The following ELP4 variants were observed in gnomAD, a reference collection of about 807,000 sequenced individuals.
The protein encoded by ELP4 is elongator acetyltransferase complex subunit 4.
In ELP4, 51 loss-of-function variants were observed where a neutral mutation model predicts 48.9. That is an observed-to-expected ratio of 1.04 (90% CI 0.83 to 1.32). The LOEUF is 1.32. ELP4 is among the 40% of genes most tolerant of loss of function. The pLI is 0.00. For synonymous variants in ELP4, 210 were observed against 189.2 expected, an observed-to-expected ratio of 1.11 and a Z score of -0.90; for missense variants, 519 against 514.6, an observed-to-expected ratio of 1.01 and a Z score of -0.08.
At chr11:31,730,699 C>T (rs1419539093) in intron 9 of ELP4, among the ~76,000 whole-genome samples, 1 of 152,080 alleles carries the variant, frequency 6.6e-6, no homozygotes, top group Non-Finnish European at 1.5e-5. Context: ...CAAGAAACTG[C>T]AGTATAGCAG....
intron 3 of ELP4, among the ~76,000 whole-genome samples, chr11:31,587,659 T>C (rs1395159985): frequency 6.6e-6 from 1 of 152,118 alleles, no homozygotes; most frequent in Non-Finnish European, 1.5e-5. Context: ...TAATATTAAT[T>C]ATTGATATTT....
rs151288761 is a variant in ELP4 at position 31,557,159 on chromosome 11, A to G, written c.381+17376A>G. ...ATAACATGTTAAAATTTAGACTAAC[A>G]TCTTTTAAATTTTTTTTATGGACTT... On this transcript the variant is annotated intron_variant, in intron 3 of 9. Coordinates refer to ENST00000640961, the MANE Select transcript of ELP4 (RefSeq NM_019040.5). 7.1e-3 allele frequency among the ~76,000 whole-genome samples: 1,079 copies of G among 152,040 alleles called. 8 individuals are homozygous for G. The highest frequency in any genetic ancestry group is 9.9e-3 in the Non-Finnish European group (669 of 67,788).
intron 9 of ELP4, among the ~76,000 whole-genome samples, chr11:31,752,585 A>G (rs1038845250): frequency 6.6e-6 from 1 of 152,176 alleles, no homozygotes; most frequent in Non-Finnish European, 1.5e-5. Flanking sequence ...CTGTAATCCC[A>G]GCACTTTGGG....
intron 2 of ELP4, among the ~76,000 whole-genome samples, chr11:31,525,211 C>T (rs1956278743): frequency 6.6e-6 from 1 of 152,080 alleles, no homozygotes; most frequent in East Asian, 1.9e-4. Context: ...TTTTGCCAAT[C>T]GCTGTTTTGT....
chr11:31,637,323 C>T (rs796099750), intron 7 of ELP4: 9 of 151,836 alleles, frequency 5.9e-5, no homozygotes, highest in African/African-American at 2.2e-4. Flanking sequence ...CACATTCTCA[C>T]AACTCAACTG....
intron 9 of ELP4, among the ~76,000 whole-genome samples, chr11:31,710,708 A>G (rs1460130991): frequency 6.6e-6 from 1 of 152,158 alleles, no homozygotes; most frequent in African/African-American, 2.4e-5. Flanking sequence ...AGAAGAAAAG[A>G]GTTCATTGGC....
chr11:31,601,159 T>G (rs1388437948), intron 4 of ELP4, among the ~76,000 whole-genome samples: 1 of 150,508 alleles, frequency 6.6e-6, no homozygotes, highest in Non-Finnish European at 1.5e-5. Context: ...ATAATTATTT[T>G]ATTTACAGCA....
intron 9 of ELP4, among the ~76,000 whole-genome samples, chr11:31,659,322 C>G (rs1945505226): frequency 6.6e-6 from 1 of 152,096 alleles, no homozygotes; most frequent in Admixed American, 6.6e-5. Flanking sequence ...ACTGTTTTGT[C>G]AGGTGCTGTC....
At chr11:31,529,935 T>C (rs1451062457) in intron 2 of ELP4, among the ~76,000 whole-genome samples, 1 of 152,154 alleles carries the variant, frequency 6.6e-6, no homozygotes, top group Non-Finnish European at 1.5e-5. Flanking sequence ...AGCAGCAGAC[T>C]TAATACAACA....
At chr11:31,557,994 G>C (rs1168259615) in intron 3 of ELP4, among the ~76,000 whole-genome samples, 1 of 151,954 alleles carries the variant, frequency 6.6e-6, no homozygotes, top group African/African-American at 2.4e-5. Context: ...GTCCTTTGAA[G>C]GCAGAGCTAT....
At chr11:31,713,592 C>T (rs1946784793) in intron 9 of ELP4, among the ~76,000 whole-genome samples, 1 of 152,082 alleles carries the variant, frequency 6.6e-6, no homozygotes, top group South Asian at 2.1e-4. Context: ...CTTTGAGCAT[C>T]ATATTATTAT....
At chr11:31,707,582 T>C (rs1336077352) in intron 9 of ELP4, among the ~76,000 whole-genome samples, 1 of 152,188 alleles carries the variant, frequency 6.6e-6, no homozygotes, top group Non-Finnish European at 1.5e-5. Context: ...ATTATACAAG[T>C]GATATGTGAC....
At chr11:31,518,069 A>G (rs1463519543) in intron 1 of ELP4, among the ~76,000 whole-genome samples, 1 of 151,884 alleles carries the variant, frequency 6.6e-6, no homozygotes, top group Non-Finnish European at 1.5e-5. Flanking sequence ...AAGTACTCAA[A>G]TGTCTTAGTG....
At chr11:31,636,109 G>T (rs1012762420) in intron 7 of ELP4, among the ~76,000 whole-genome samples, 1 of 151,964 alleles carries the variant, frequency 6.6e-6, no homozygotes, top group Non-Finnish European at 1.5e-5. Flanking sequence ...AACAAATAAT[G>T]CAGGCACTGT....
chr11:31,578,410 G>A (rs1240391972), intron 3 of ELP4, among the ~76,000 whole-genome samples: 5 of 152,122 alleles, frequency 3.3e-5, no homozygotes, highest in Non-Finnish European at 7.4e-5. Context: ...AGCTACCAAT[G>A]ACTTTCTTCA....
At chr11:31,606,299 T>G (rs1957873600) in intron 5 of ELP4, among the ~76,000 whole-genome samples, 1 of 152,232 alleles carries the variant, frequency 6.6e-6, no homozygotes, top group South Asian at 2.1e-4. Context: ...CATGTGCTCA[T>G]TTCACTAAAA....
At chr11:31,711,285 A>T (rs1303191457) in intron 9 of ELP4, among the ~76,000 whole-genome samples, 1 of 152,200 alleles carries the variant, frequency 6.6e-6, no homozygotes, top group Non-Finnish European at 1.5e-5. Context: ...GGTAGTGTTA[A>T]GTGCCCTTAT....
chr11:31,687,020 T>G (rs1946176025), intron 9 of ELP4, among the ~76,000 whole-genome samples: 1 of 152,108 alleles, frequency 6.6e-6, no homozygotes, highest in Non-Finnish European at 1.5e-5. Flanking sequence ...TCATAATGAT[T>G]AGACATGAGA....
At chr11:31,512,809 C>T (rs1223675405) in intron 1 of ELP4, among the ~76,000 whole-genome samples, 8 of 140,540 alleles carry the variant, frequency 5.7e-5, no homozygotes, top group Non-Finnish European at 1.1e-4. Flanking sequence ...TCCCCCGCCC[C>T]GCCCACCCAA....
Sources: gnomAD v4.1 joint callset for allele counts (sites outside exome capture counted in the v4.1 genomes callset) on GRCh38, gnomAD v4.1.1 for gene constraint, MANE v1.5 for transcripts, NCBI Gene and HGNC (gene_info 2026-07-23, HGNC 2026-07-21) for gene names.